TMPRSS7: variants seen among roughly 807,000 people sequenced by gnomAD.
TMPRSS7 encodes the protein transmembrane serine protease 7.
In TMPRSS7, 81 loss-of-function variants were observed where a neutral mutation model predicts 95.6. The ratio of observed to expected loss-of-function variants is 0.85; its 90% CI spans 0.71 to 1.02. The LOEUF is 1.02. TMPRSS7 is among the 50% of genes least tolerant of loss of function. The pLI, the probability that TMPRSS7 is intolerant of heterozygous loss-of-function variation, is 0.00. For synonymous variants in TMPRSS7, 364 were observed against 337.8 expected, an observed-to-expected ratio of 1.08 and a Z score of -0.85; for missense variants, 945 against 955.2, an observed-to-expected ratio of 0.99 and a Z score of 0.14.
Position 112,068,353 on chromosome 3 carries a change from CTG to C in TMPRSS7, c.1666+1852_1666+1853del, listed in dbSNP as rs1181193953. 2.6e-5 allele frequency among the ~76,000 whole-genome samples: 4 copies of C among 152,300 alleles called. No homozygotes were observed. The East Asian group carries it at 7.7e-4, about 29-fold the overall frequency. On this transcript the variant is annotated intron_variant, in intron 13 of 17. Coordinates refer to ENST00000452346, the Ensembl canonical transcript of TMPRSS7. ...GAACTTAAAGTAGTGTTTTCCAGTT[CTG>C]CGAAGAAAGTCATTGGTAGCTTGAT... is the stretch of plus-strand genomic sequence containing the variant.
intron 9 of TMPRSS7, among the ~76,000 whole-genome samples, chr3:112,051,251 A>G (rs1310662353): frequency 1.3e-5 from 2 of 152,184 alleles, no homozygotes; most frequent in African/African-American, 2.4e-5. Context: ...AAACAATAAC[A>G]CAAATAAAAA....
At chr3:112,051,256 TA>T (rs1449330742) in intron 9 of TMPRSS7, among the ~76,000 whole-genome samples, 1 of 151,876 alleles carries the variant, frequency 6.6e-6, no homozygotes, top group African/African-American at 2.4e-5. Flanking sequence ...ATAACACAAA[TA>T]AAAAACAATA....
chr3:112,051,322 T>C (rs1407064132), intron 9 of TMPRSS7, among the ~76,000 whole-genome samples: 1 of 152,250 alleles, frequency 6.6e-6, no homozygotes, highest in East Asian at 1.9e-4. Context: ...ATAAGTAATC[T>C]AGAGATGATT....
intron 3 of TMPRSS7, among the ~76,000 whole-genome samples, chr3:112,043,824 C>T (rs775947677): frequency 1.3e-5 from 2 of 152,170 alleles, no homozygotes; most frequent in Non-Finnish European, 2.9e-5. Flanking sequence ...GTACCACTCG[C>T]CCCCTAGTGG....
chr3:112,077,201 A>T lies in TMPRSS7; in HGVS notation c.2224+57A>T. The T allele has an allele frequency of 2.5e-6, 4 of 1,576,046 alleles. No homozygotes were observed. The East Asian group carries it at 9.0e-5, about 35-fold the overall frequency. On this transcript the variant is annotated intron_variant, in intron 16 of 17. Coordinates refer to ENST00000452346, the Ensembl canonical transcript of TMPRSS7. ...CCCTGCAGAGGATGATAAGGTGTTT[A>T]TGTAGTGCTTTAGGGTTCACAGAGA...
chr3:112,081,268 T>TTA, downstream of TMPRSS7: 6 of 223,168 alleles, frequency 2.7e-5, no homozygotes, highest in Non-Finnish European at 2.4e-5. Context: ...CTGTCTCTAC[T>TTA]GAAAAAAAAA....
chr3:112,036,549 T>C (rs1195297003), intron 1 of TMPRSS7, among the ~76,000 whole-genome samples: 2 of 145,004 alleles, frequency 1.4e-5, no homozygotes, highest in Non-Finnish European at 3.0e-5. Context: ...GCCTGGTCAA[T>C]AAGAGCAAAA....
intron 14 of TMPRSS7, 111 bp downstream of exon 14, chr3:112,074,523 C>A: frequency 1.4e-6 from 1 of 725,652 alleles, no homozygotes. Context: ...TTGCCATAGC[C>A]AAAACAAGAA....
chr3:112,034,932 C>A (rs552569286), intron 1 of TMPRSS7, 39 bp downstream of exon 1: 1 of 702,492 alleles, frequency 1.4e-6, no homozygotes, highest in Admixed American at 2.0e-5. Flanking sequence ...ACTTGAATGC[C>A]ATTTATTGTT....
At chr3:112,048,994 A>G (rs1323276759) in intron 7 of TMPRSS7, among the ~76,000 whole-genome samples, 1 of 152,156 alleles carries the variant, frequency 6.6e-6, no homozygotes, top group Non-Finnish European at 1.5e-5. Context: ...ACTTAAGGCC[A>G]ATTAACACAA....
intron 2 of TMPRSS7, among the ~76,000 whole-genome samples, chr3:112,041,623 A>ATTTCTCTCTGTCTCCTTT: frequency 1.3e-5 from 2 of 152,168 alleles, no homozygotes; most frequent in Admixed American, 6.5e-5. Context: ...AATTATGATA[A>ATTTCTCTCTGTCTCCTTT]AGCAGGGTAT....
intron 9 of TMPRSS7, among the ~76,000 whole-genome samples, chr3:112,051,349 T>C (rs575964206): frequency 6.6e-6 from 1 of 152,294 alleles, no homozygotes; most frequent in African/African-American, 2.4e-5. Flanking sequence ...ATATAGAGGA[T>C]GTGCATAGAT....
At chr3:112,081,160 C>A in exon 18 of TMPRSS7, 2 of 1,424,156 alleles carry the variant, frequency 1.4e-6, no homozygotes, top group Non-Finnish European at 1.9e-6. Flanking sequence ...TGGCTGGGTG[C>A]GCTGGCTCAC....
intron 8 of TMPRSS7, 32 bp from the exon 9 acceptor site, chr3:112,050,639 A>G: frequency 7.8e-7 from 1 of 1,288,068 alleles, no homozygotes; most frequent in Non-Finnish European, 1.1e-6. Flanking sequence ...CACAGCTGCA[A>G]ATCATTGTGT....
chr3:112,076,948 G>A (rs749820385), exon 16 of TMPRSS7: 33 of 1,614,014 alleles, frequency 2.0e-5, no homozygotes, highest in Middle Eastern at 3.3e-4. Context: ...TTGTCTCCCC[G>A]GTGAGAAGAA....
At chr3:112,078,155 T>G (rs575018733) in intron 16 of TMPRSS7, among the ~76,000 whole-genome samples, 2 of 152,208 alleles carry the variant, frequency 1.3e-5, no homozygotes, top group African/African-American at 2.4e-5. Flanking sequence ...GTAACTTTGA[T>G]AGGTTACTGT....
At chr3:112,060,282 C>G (rs1422275743) in intron 10 of TMPRSS7, among the ~76,000 whole-genome samples, 2 of 151,942 alleles carry the variant, frequency 1.3e-5, no homozygotes, top group South Asian at 4.2e-4. Flanking sequence ...GTTTCGGGCA[C>G]ACATTGTCAT....
intron 10 of TMPRSS7, among the ~76,000 whole-genome samples, chr3:112,059,845 A>G (rs1239726591): frequency 6.6e-6 from 1 of 152,206 alleles, no homozygotes; most frequent in Non-Finnish European, 1.5e-5. Context: ...CCTGAATGCC[A>G]GTGTCTGATC....
chr3:112,070,335 T>C (rs1456517753), intron 13 of TMPRSS7, among the ~76,000 whole-genome samples: 1 of 152,192 alleles, frequency 6.6e-6, no homozygotes, highest in African/African-American at 2.4e-5. Flanking sequence ...TCTGTAGATG[T>C]CTATTAGGTC....
Sources: gnomAD v4.1 joint callset for allele counts (sites outside exome capture counted in the v4.1 genomes callset) on GRCh38, gnomAD v4.1.1 for gene constraint, MANE v1.5 for transcripts, NCBI Gene and HGNC (gene_info 2026-07-23, HGNC 2026-07-21) for gene names.